GLDC: variants seen among roughly 807,000 people sequenced by gnomAD.
The protein encoded by GLDC is glycine dehydrogenase (decarboxylating), mitochondrial.
GLDC carries 104 observed loss-of-function variants against 121.3 expected under a neutral mutation model. That is an observed-to-expected ratio of 0.86 (90% confidence interval 0.73 to 1.01). The LOEUF (loss-of-function observed/expected upper bound fraction) is 1.01. GLDC is among the 50% of genes least tolerant of loss of function. The pLI, the probability that GLDC is intolerant of heterozygous loss-of-function variation, is 0.00. For missense variants in GLDC, 1,429 were observed against 1,306.6 expected, an observed-to-expected ratio of 1.09 and a Z score of -1.44; for synonymous variants, 546 against 480.6, an observed-to-expected ratio of 1.14 and a Z score of -1.78.
chr9:6,588,841 T>A (rs975604909), intron 12 of GLDC, 139 bp from the exon 13 acceptor site: 1 of 714,882 alleles, frequency 1.4e-6, no homozygotes, highest in African/African-American at 1.7e-5. Context: ...TCAACTACAC[T>A]CAGAGAGAAG....
intron 2 of GLDC, among the ~76,000 whole-genome samples, chr9:6,638,720 G>A (rs1819563212): frequency 6.6e-6 from 1 of 152,036 alleles, no homozygotes; most frequent in East Asian, 1.9e-4. Flanking sequence ...TTATTCAAAT[G>A]TATATCCTCA....
Position 6,558,582 on chromosome 9 carries a change from C to A in GLDC, c.2029G>T (p.Asp677Tyr). The A allele has an allele frequency of 4.3e-6, 7 of 1,614,184 alleles. No homozygotes were observed. Among genetic ancestry groups the A allele is most frequent in the Non-Finnish European group, 5.9e-6 (7 of 1,180,030 alleles). The change falls in exon 17 of 25, where the codon GAT becomes TAT. Residue 677 changes from aspartate to tyrosine, a missense_variant. Transcript: ENST00000321612. The stretch of plus-strand genomic sequence containing the variant: ...ACCATGGCCTTGAGGTGAACTGCAT[C>A]GATATTCCCATATTTATCCACCTCC... ...PVEVDKYGNI[D>Y]AVHLKAMVDK...
intron 18 of GLDC, 183 bp from the exon 19 acceptor site, chr9:6,554,964 G>A (rs1817592295): frequency 3.0e-5 from 20 of 663,418 alleles, no homozygotes; most frequent in South Asian, 2.8e-4. Context: ...ACTGGCATCC[G>A]ATAGGCAGAG....
intron 8 of GLDC, 98 bp downstream of exon 8, chr9:6,602,011 A>G (rs947488108): frequency 1.2e-6 from 1 of 803,750 alleles, no homozygotes; most frequent in South Asian, 1.4e-5. Flanking sequence ...CTCACTGCTC[A>G]GGAGGTGGTG....
chr9:6,605,081 A>T, intron 6 of GLDC, 50 bp downstream of exon 6: 1 of 1,510,460 alleles, frequency 6.6e-7, no homozygotes, highest in Non-Finnish European at 9.2e-7. Context: ...GTAGACAGAT[A>T]CAAGTTGGGA....
At chr9:6,578,123 C>T (rs966868592) in intron 15 of GLDC, among the ~76,000 whole-genome samples, 4 of 151,642 alleles carry the variant, frequency 2.6e-5, no homozygotes, top group African/African-American at 9.7e-5. Flanking sequence ...CTATCTGGTC[C>T]AGGCTTCTTT....
At chr9:6,625,927 T>C (rs1310013475) in intron 2 of GLDC, among the ~76,000 whole-genome samples, 1 of 151,884 alleles carries the variant, frequency 6.6e-6, no homozygotes, top group Non-Finnish European at 1.5e-5. Flanking sequence ...AGGAAAGTCA[T>C]GGAGGTGATA....
At chr9:6,632,835 C>T (rs989895039) in intron 2 of GLDC, among the ~76,000 whole-genome samples, 2 of 152,308 alleles carry the variant, frequency 1.3e-5, no homozygotes, top group Middle Eastern at 3.4e-3. Flanking sequence ...CACCACATTT[C>T]TCTGTTCCTG....
chr9:6,602,102 G>C lies in GLDC; in HGVS notation c.1155+7C>G. 6.4e-7 allele frequency: 1 copy of C among 1,562,626 alleles called. No homozygotes were observed. The highest frequency in any genetic ancestry group is 8.8e-7 in the Non-Finnish European group (1 of 1,133,054). On this transcript the variant is annotated splice_region_variant and intron_variant, in intron 8 of 24. Coordinates refer to ENST00000321612, the MANE Select transcript of GLDC (RefSeq NM_000170.3). ...CATTCAGTAGTCAGGTCAGACGTGT[G>C]ATTTACCTGAGCTGTACAGATGTTG... is the stretch of plus-strand genomic sequence containing the variant.
At chr9:6,636,835 G>A (rs188333737) in intron 2 of GLDC, among the ~76,000 whole-genome samples, 1 of 152,112 alleles carries the variant, frequency 6.6e-6, no homozygotes, top group East Asian at 1.9e-4. Flanking sequence ...TGTAATCCCA[G>A]CACTTTGGGA....
intron 3 of GLDC, among the ~76,000 whole-genome samples, chr9:6,611,502 G>A (rs1434753224): frequency 1.3e-5 from 2 of 150,932 alleles, no homozygotes; most frequent in African/African-American, 2.4e-5. Context: ...GTTGCAGTGA[G>A]CTGAGATCAC....
chr9:6,644,052 GAAAAA>G (rs905678567), intron 2 of GLDC, among the ~76,000 whole-genome samples: 1 of 51,728 alleles, frequency 1.9e-5, no homozygotes, highest in East Asian at 6.7e-4. Flanking sequence ...AAAAAAAAAC[GAAAAA>G]AAAAAGAAAA....
intron 16 of GLDC, among the ~76,000 whole-genome samples, chr9:6,559,692 G>C (rs773812649): frequency 6.6e-6 from 1 of 151,634 alleles, no homozygotes; most frequent in Non-Finnish European, 1.5e-5. Context: ...ACGCACGCCT[G>C]TAGTCCCAGC....
chr9:6,558,386 G>A, intron 17 of GLDC, 173 bp downstream of exon 17: 1 of 762,850 alleles, frequency 1.3e-6, no homozygotes. Flanking sequence ...TTAGAAAACG[G>A]GGATTTCTCC....
intron 16 of GLDC, among the ~76,000 whole-genome samples, chr9:6,562,678 G>A (rs1817781790): frequency 6.6e-6 from 1 of 152,086 alleles, no homozygotes; most frequent in Non-Finnish European, 1.5e-5. Flanking sequence ...TCCTGCCTCA[G>A]CCTCCCTCAG....
intron 15 of GLDC, among the ~76,000 whole-genome samples, chr9:6,571,947 G>A (rs1024355071): frequency 1.3e-5 from 2 of 152,252 alleles, no homozygotes; most frequent in South Asian, 2.1e-4. Flanking sequence ...GTAATTCAAT[G>A]GAGGAAAGAT....
In GLDC at chr9:6,618,710, T is replaced by C. The variant is rs116066890; in HGVS notation, c.470+1474A>G. 6.7e-3 allele frequency among the ~76,000 whole-genome samples: 1,016 copies of C among 152,216 alleles called. 13 individuals are homozygous for C. The highest frequency in any genetic ancestry group is 0.023 in the African/African-American group (972 of 41,518). ...TCAAATGCAGGAGAAATGCTTTCAG[T>C]GTTGTTCTATCAGTGAGGACCAGAG... On this transcript the variant is annotated intron_variant, in intron 3 of 24. Transcript: ENST00000321612.
intron 12 of GLDC, 108 bp from the exon 13 acceptor site, chr9:6,588,810 AT>A (rs1818320128): frequency 3.9e-6 from 3 of 776,576 alleles, no homozygotes; most frequent in South Asian, 2.8e-5. Context: ...ATGCAGATCA[AT>A]TTTGGCCACG....
At chr9:6,580,196 C>T (rs1818146882) in intron 15 of GLDC, among the ~76,000 whole-genome samples, 1 of 152,226 alleles carries the variant, frequency 6.6e-6, no homozygotes, top group Non-Finnish European at 1.5e-5. Flanking sequence ...CCCCAAAGAA[C>T]TCTTACCCTC....
Sources: allele counts gnomAD v4.1 joint callset (sites outside exome capture counted in the v4.1 genomes callset), GRCh38; gene constraint gnomAD v4.1.1; transcripts MANE v1.5; gene names NCBI Gene and HGNC (gene_info 2026-07-23, HGNC 2026-07-21).